The following CDH4 variants were observed in gnomAD, a reference collection of about 807,000 sequenced individuals.
CDH4 encodes the protein cadherin-4.
CDH4 carries 33 observed loss-of-function variants against 86.0 expected under a neutral mutation model. That is an observed-to-expected ratio of 0.38 (90% CI 0.29 to 0.51). The LOEUF (loss-of-function observed/expected upper bound fraction) is 0.51. Among genes scored for constraint, CDH4 ranks in the 20% least tolerant of loss-of-function variants. CDH4 has a pLI of 0.86. For synonymous variants in CDH4, 555 were observed against 549.4 expected, an observed-to-expected ratio of 1.01 and a Z score of -0.14; for missense variants, 1,114 against 1,307.4, an observed-to-expected ratio of 0.85 and a Z score of 2.28.
chr20:61,332,821 T>G (rs868584698), intron 2 of CDH4, among the ~76,000 whole-genome samples: 18 of 152,250 alleles, frequency 1.2e-4, no homozygotes, highest in African/African-American at 4.3e-4. Flanking sequence ...TCCTCTGGCC[T>G]CACCCTGTGT....
intron 4 of CDH4, among the ~76,000 whole-genome samples, chr20:61,830,258 A>T (rs1174365195): frequency 6.6e-6 from 1 of 152,008 alleles, no homozygotes; most frequent in Non-Finnish European, 1.5e-5. Flanking sequence ...ACATCCCTGC[A>T]CCTGCGCAGC....
At chr20:61,416,440 G>A (rs1468359105) in intron 2 of CDH4, among the ~76,000 whole-genome samples, 1 of 152,164 alleles carries the variant, frequency 6.6e-6, no homozygotes, top group Non-Finnish European at 1.5e-5. Context: ...AGTTCCCAAG[G>A]TTCCAGTTTC....
At chr20:61,791,200 C>T (rs1008899349) in intron 4 of CDH4, among the ~76,000 whole-genome samples, 3 of 152,250 alleles carry the variant, frequency 2.0e-5, no homozygotes, top group Non-Finnish European at 4.4e-5. Flanking sequence ...AAGTTTTTGA[C>T]AGTGGTGGAC....
At chr20:61,409,641 C>T (rs992831417) in intron 2 of CDH4, among the ~76,000 whole-genome samples, 2 of 152,236 alleles carry the variant, frequency 1.3e-5, no homozygotes, top group South Asian at 4.1e-4. Context: ...CAGGCAGAGC[C>T]GCTGCGTGTG....
chr20:61,776,119 T>G (rs2088839460), intron 4 of CDH4, among the ~76,000 whole-genome samples: 2 of 152,222 alleles, frequency 1.3e-5, no homozygotes, highest in Non-Finnish European at 2.9e-5. Flanking sequence ...TGGGCCCAGT[T>G]GTCCTGTTGA....
intron 4 of CDH4, among the ~76,000 whole-genome samples, chr20:61,798,555 G>A (rs116802415): frequency 0.021 from 3,152 of 152,330 alleles, 112 homozygotes; most frequent in African/African-American, 0.072. Context: ...TGCATGCTCT[G>A]TGTGGAGCCA....
chr20:61,559,509 AT>A (rs1347282522), intron 2 of CDH4, among the ~76,000 whole-genome samples: 94 of 107,796 alleles, frequency 8.7e-4, no homozygotes, highest in Middle Eastern at 5.8e-3. Context: ...TTTCTTTTTA[AT>A]TTTTTTTTCT....
At chr20:61,547,070 G>A (rs554254680) in intron 2 of CDH4, among the ~76,000 whole-genome samples, 16 of 151,866 alleles carry the variant, frequency 1.1e-4, no homozygotes, top group Non-Finnish European at 1.8e-4. Context: ...TCCTTTCCAC[G>A]TTGATGGTGT....
rs1348210311 is a variant in CDH4, at chr20:61,806,800, CAT to C, written c.576+33619_576+33620del. On this transcript the variant is annotated intron_variant, in intron 4 of 15. Coordinates refer to ENST00000614565, the MANE Select transcript of CDH4 (RefSeq NM_001794.5). ...ATCAACATGCATGTTTTGCCACACA[CAT>C]GTGCACACCGTCTCTGTGAGTGGGA... Among the ~76,000 whole-genome samples the C allele has an allele frequency of 2.0e-5, 3 of 152,196 alleles. No individual in the cohort carries two copies. The East Asian group carries it at 5.8e-4, about 29-fold the overall frequency.
intron 4 of CDH4, among the ~76,000 whole-genome samples, chr20:61,777,031 G>A (rs1280411606): frequency 6.6e-6 from 1 of 152,200 alleles, no homozygotes; most frequent in Non-Finnish European, 1.5e-5. Flanking sequence ...GGAGCCCTGG[G>A]TGAGCAGTTC....
chr20:61,901,656 G>A (rs544828054), intron 8 of CDH4, among the ~76,000 whole-genome samples: 7 of 152,374 alleles, frequency 4.6e-5, no homozygotes, highest in African/African-American at 1.4e-4. Context: ...ACCGGGCTCC[G>A]GCCGGGAGAA....
At chr20:61,379,342 G>A (rs1029072306) in intron 2 of CDH4, among the ~76,000 whole-genome samples, 4 of 152,048 alleles carry the variant, frequency 2.6e-5, no homozygotes, top group African/African-American at 9.7e-5. Context: ...TAACAGGGCA[G>A]CAGTGGCATG....
At chr20:61,342,331 G>C (rs567023965) in intron 2 of CDH4, among the ~76,000 whole-genome samples, 1 of 152,298 alleles carries the variant, frequency 6.6e-6, no homozygotes, top group African/African-American at 2.4e-5. Flanking sequence ...AACTCACCAT[G>C]ACGTACAGTC....
chr20:61,728,645 G>A (rs1466362502), intron 2 of CDH4, among the ~76,000 whole-genome samples: 1 of 152,186 alleles, frequency 6.6e-6, no homozygotes, highest in Non-Finnish European at 1.5e-5. Context: ...ATAGGTTTGT[G>A]TGGGTTCTGT....
chr20:61,280,767 T>C (rs1405193726), intron 2 of CDH4, among the ~76,000 whole-genome samples: 1 of 152,192 alleles, frequency 6.6e-6, no homozygotes, highest in Non-Finnish European at 1.5e-5. Flanking sequence ...GCAGCATCCC[T>C]GCGTGTGAAG....
chr20:61,790,201 A>G (rs1464892594), intron 4 of CDH4, among the ~76,000 whole-genome samples: 1 of 151,334 alleles, frequency 6.6e-6, no homozygotes, highest in African/African-American at 2.4e-5. Context: ...CCACTCAACC[A>G]TCCACCCATC....
intron 9 of CDH4, 56 bp downstream of exon 9, chr20:61,910,663 C>T: frequency 1.4e-6 from 2 of 1,460,576 alleles, no homozygotes; most frequent in Non-Finnish European, 1.9e-6. Flanking sequence ...CCTGCACACT[C>T]CCTAGGACCA....
At chr20:61,699,780 T>C (rs1029280211) in intron 2 of CDH4, among the ~76,000 whole-genome samples, 1 of 135,784 alleles carries the variant, frequency 7.4e-6, no homozygotes, top group Non-Finnish European at 1.5e-5. Flanking sequence ...CCCGGGGCTT[T>C]CACCGCTGAC....
At chr20:61,358,620 G>A (rs572156661) in intron 2 of CDH4, among the ~76,000 whole-genome samples, 12 of 152,148 alleles carry the variant, frequency 7.9e-5, no homozygotes, top group Non-Finnish European at 1.3e-4. Flanking sequence ...AGATATCCCC[G>A]TATTTTACAC....
Sources: allele counts gnomAD v4.1 joint callset (sites outside exome capture counted in the v4.1 genomes callset), GRCh38; gene constraint gnomAD v4.1.1; transcripts MANE v1.5; gene names NCBI Gene and HGNC (gene_info 2026-07-23, HGNC 2026-07-21).